SLC24A3: variants seen among roughly 807,000 people sequenced by gnomAD.
SLC24A3 encodes the protein sodium/potassium/calcium exchanger 3.
Under a neutral mutation model 75.8 loss-of-function variants are expected in SLC24A3, and 28 were observed. The ratio of observed to expected loss-of-function variants is 0.37; its 90% CI spans 0.27 to 0.51. The LOEUF is 0.51. Ranked by LOEUF, SLC24A3 falls within the 20% of genes least tolerant of loss-of-function variation. The pLI is 0.94. For missense variants in SLC24A3, 663 were observed against 847.8 expected, an observed-to-expected ratio of 0.78 and a Z score of 2.71; for synonymous variants, 372 against 334.1, an observed-to-expected ratio of 1.11 and a Z score of -1.24.
At chr20:19,413,621 C>G (rs1439181969) in intron 2 of SLC24A3, among the ~76,000 whole-genome samples, 1 of 152,108 alleles carries the variant, frequency 6.6e-6, no homozygotes, top group Non-Finnish European at 1.5e-5. Context: ...TTCCCCCCAA[C>G]CTCACCTTTG....
At chr20:19,684,118 G>T (rs917003587) in intron 10 of SLC24A3, 58 bp from the exon 11 acceptor site, 11 of 1,557,170 alleles carry the variant, frequency 7.1e-6, no homozygotes, top group Non-Finnish European at 9.7e-6. Context: ...ATAAATGAAT[G>T]CCTCTTTCCT....
At chr20:19,697,470 C>T (rs2032823475) in intron 14 of SLC24A3, 1 of 153,036 alleles carries the variant, frequency 6.5e-6, no homozygotes, top group South Asian at 2.1e-4. Flanking sequence ...CTAAGGCTGA[C>T]CCACCTGCAG....
intron 6 of SLC24A3, among the ~76,000 whole-genome samples, chr20:19,631,791 AGTGTGTGTGTGT>A (rs148278633): frequency 6.8e-4 from 100 of 147,944 alleles, no homozygotes; most frequent in African/African-American, 2.3e-3. Flanking sequence ...TATGAGTGAG[AGTGTGTGTGTGT>A]GTGTGTGTGT....
chr20:19,422,135 C>T (rs1054967379), intron 2 of SLC24A3, among the ~76,000 whole-genome samples: 2 of 152,064 alleles, frequency 1.3e-5, no homozygotes, highest in Non-Finnish European at 2.9e-5. Context: ...CCAGAGAACA[C>T]ATGCAGACTG....
chr20:19,256,204 A>G (rs1982809070), intron 1 of SLC24A3, among the ~76,000 whole-genome samples: 1 of 152,212 alleles, frequency 6.6e-6, no homozygotes, highest in Non-Finnish European at 1.5e-5. Context: ...TCTTGAAAAC[A>G]TTATGATGAA....
intron 2 of SLC24A3, among the ~76,000 whole-genome samples, chr20:19,426,804 G>A (rs980058486): frequency 2.6e-5 from 4 of 152,132 alleles, no homozygotes; most frequent in Admixed American, 6.5e-5. Flanking sequence ...AGGCTACTGC[G>A]GCCATCCAGG....
At chr20:19,643,698 A>C (rs2032101093) in intron 6 of SLC24A3, among the ~76,000 whole-genome samples, 1 of 152,204 alleles carries the variant, frequency 6.6e-6, no homozygotes, top group Non-Finnish European at 1.5e-5. Context: ...GCATAGTCTT[A>C]ACTGTCTGAT....
intron 2 of SLC24A3, among the ~76,000 whole-genome samples, chr20:19,450,667 C>T (rs531829488): frequency 1.3e-4 from 20 of 152,296 alleles, no homozygotes; most frequent in Middle Eastern, 3.4e-3. Context: ...GCCTTGTGGG[C>T]ACTGGCTTAG....
At chr20:19,682,893 T>C (rs770033232) in intron 10 of SLC24A3, among the ~76,000 whole-genome samples, 27 of 152,206 alleles carry the variant, frequency 1.8e-4, no homozygotes, top group Non-Finnish European at 2.4e-4. Context: ...TGCTCTCAAA[T>C]ATATAATATT....
intron 2 of SLC24A3, among the ~76,000 whole-genome samples, chr20:19,484,635 T>G (rs1238563396): frequency 6.7e-6 from 1 of 148,214 alleles, no homozygotes; most frequent in Non-Finnish European, 1.5e-5. Flanking sequence ...GTCTCTAGAG[T>G]AGTCAAATGC....
chr20:19,319,430 C>T (rs1009183295), intron 2 of SLC24A3, among the ~76,000 whole-genome samples: 3 of 152,238 alleles, frequency 2.0e-5, no homozygotes, highest in Admixed American at 6.5e-5. Context: ...CACAGCAACT[C>T]GCCGCTGCTC....
intron 6 of SLC24A3, among the ~76,000 whole-genome samples, chr20:19,625,899 A>G (rs1232633249): frequency 6.6e-6 from 1 of 152,084 alleles, no homozygotes; most frequent in African/African-American, 2.4e-5. Context: ...CTCTTACTTC[A>G]GGCATTGTAA....
At chr20:19,355,569 C>T (rs1985664587) in intron 2 of SLC24A3, among the ~76,000 whole-genome samples, 1 of 152,210 alleles carries the variant, frequency 6.6e-6, no homozygotes, top group South Asian at 2.1e-4. Context: ...GGAGAATCCC[C>T]AGCCCTTCTG....
At chr20:19,579,869 G>A (rs374254043) in intron 3 of SLC24A3, 131 bp from the exon 4 acceptor site, 3 of 675,992 alleles carry the variant, frequency 4.4e-6, no homozygotes, top group Non-Finnish European at 7.8e-6. Flanking sequence ...GTGGGCATTG[G>A]AAAGACTTGG....
At chr20:19,339,036 T>C (rs1340136894) in intron 2 of SLC24A3, among the ~76,000 whole-genome samples, 1 of 152,208 alleles carries the variant, frequency 6.6e-6, no homozygotes, top group Admixed American at 6.5e-5. Context: ...TAGCTGGTCC[T>C]CAGCAAAGGG....
intron 2 of SLC24A3, among the ~76,000 whole-genome samples, chr20:19,429,838 T>A (rs1987070986): frequency 6.6e-6 from 1 of 152,224 alleles, no homozygotes; most frequent in South Asian, 2.1e-4. Flanking sequence ...TCTCCTCATT[T>A]GATTTGGAGT....
intron 6 of SLC24A3, among the ~76,000 whole-genome samples, chr20:19,619,291 T>C (rs2031775259): frequency 6.6e-6 from 1 of 152,156 alleles, no homozygotes; most frequent in Admixed American, 6.5e-5. Flanking sequence ...GTAGCCACCA[T>C]GAAGCAAGCC....
intron 3 of SLC24A3, among the ~76,000 whole-genome samples, chr20:19,522,264 G>A (rs571152699): frequency 6.6e-6 from 1 of 152,256 alleles, no homozygotes; most frequent in African/African-American, 2.4e-5. Flanking sequence ...AGTGGCTGGA[G>A]AAAAGGTTGT....
intron 2 of SLC24A3, among the ~76,000 whole-genome samples, chr20:19,448,402 C>T: frequency 6.6e-6 from 1 of 152,216 alleles, no homozygotes; most frequent in East Asian, 1.9e-4. Context: ...AATGTGCAAA[C>T]ACAACCTTGA....
Sources: gnomAD v4.1 joint callset for allele counts (sites outside exome capture counted in the v4.1 genomes callset) on GRCh38, gnomAD v4.1.1 for gene constraint, MANE v1.5 for transcripts, NCBI Gene and HGNC (gene_info 2026-07-23, HGNC 2026-07-21) for gene names.